Variants in PDE6C observed in about 807,000 individuals in gnomAD.
The protein encoded by PDE6C is cone cGMP-specific 3',5'-cyclic phosphodiesterase subunit alpha'.
Under a neutral mutation model 113.1 loss-of-function variants are expected in PDE6C, and 75 were observed. That is an observed-to-expected ratio of 0.66 (90% CI 0.55 to 0.80). PDE6C has a LOEUF of 0.80. Among genes scored for constraint, PDE6C ranks in the 30% least tolerant of loss-of-function variants. The pLI, the probability that PDE6C is intolerant of heterozygous loss-of-function variation, is 0.00. For synonymous variants in PDE6C, 375 were observed against 363.7 expected, an observed-to-expected ratio of 1.03 and a Z score of -0.35; for missense variants, 912 against 1,038.6, an observed-to-expected ratio of 0.88 and a Z score of 1.67.
At chr10:93,658,767 CTGGCCCTGTAGACTTTGCTA>C (rs1275559086) in intron 16 of PDE6C, 114 bp from the exon 17 acceptor site, 1 of 674,866 alleles carries the variant, frequency 1.5e-6, no homozygotes, top group Non-Finnish European at 2.7e-6. Context: ...CTCGTATTTT[CTGGCCCTGTAGACTTTGCTA>C]TGTGGACATC....
At chr10:93,621,811 G>C (rs1480280917) in intron 3 of PDE6C, 121 bp from the exon 4 acceptor site, 1 of 892,768 alleles carries the variant, frequency 1.1e-6, no homozygotes, top group African/African-American at 1.6e-5. Context: ...AATCAGAATT[G>C]CACTTTCCAA....
intron 15 of PDE6C, among the ~76,000 whole-genome samples, chr10:93,651,722 G>C (rs895688648): frequency 2.6e-5 from 4 of 152,134 alleles, no homozygotes; most frequent in Non-Finnish European, 4.4e-5. Flanking sequence ...CTTCTATTTG[G>C]GATCTGGCCA....
chr10:93,656,931 T>C (rs1402583576), intron 16 of PDE6C, among the ~76,000 whole-genome samples: 1 of 152,110 alleles, frequency 6.6e-6, no homozygotes, highest in Non-Finnish European at 1.5e-5. Context: ...AAAATGGATA[T>C]CCAAATATCT....
intron 8 of PDE6C, among the ~76,000 whole-genome samples, chr10:93,631,491 T>C (rs2058501366): frequency 6.6e-6 from 1 of 152,118 alleles, no homozygotes; most frequent in African/African-American, 2.4e-5. Flanking sequence ...AACAGCACGG[T>C]GGTCTAAGGG....
At chr10:93,653,368 C>T (rs2058618062) in intron 15 of PDE6C, among the ~76,000 whole-genome samples, 1 of 152,122 alleles carries the variant, frequency 6.6e-6, no homozygotes, top group East Asian at 1.9e-4. Flanking sequence ...GGGGTCCAGG[C>T]ACGGTGGCTC....
At chr10:93,644,895 T>G (rs1449785495) in intron 14 of PDE6C, among the ~76,000 whole-genome samples, 1 of 27,438 alleles carries the variant, frequency 3.6e-5, no homozygotes, top group African/African-American at 8.2e-5. Context: ...TTATATAGTA[T>G]ATATAGTATA....
chr10:93,646,941 C>G (rs140484998), intron 15 of PDE6C, among the ~76,000 whole-genome samples: 1 of 152,190 alleles, frequency 6.6e-6, no homozygotes, highest in Non-Finnish European at 1.5e-5. Context: ...GGAGAAACCA[C>G]ATTTGTGTGA....
chr10:93,641,439 G>C (rs1314176084), intron 14 of PDE6C, among the ~76,000 whole-genome samples: 1 of 152,040 alleles, frequency 6.6e-6, no homozygotes, highest in East Asian at 1.9e-4. Flanking sequence ...AGACCAACCT[G>C]GCCAACATGG....
At chr10:93,617,241 C>A (rs949012261) in intron 1 of PDE6C, among the ~76,000 whole-genome samples, 2 of 152,152 alleles carry the variant, frequency 1.3e-5, no homozygotes, top group Non-Finnish European at 2.9e-5. Flanking sequence ...AAAGAAACTT[C>A]GCTAAGGATT....
rs1049266974 is a variant in PDE6C at position 93,665,597 on chromosome 10, A to G, written c.*179A>G. ...CCCAGGGGCAAAATAAAGTTCAACA[A>G]AAGTGCAAAATATGACAAAAATAGG... On this transcript the variant is annotated 3_prime_UTR_variant, in exon 22 of 22. Transcript: ENST00000371447. 1.0e-5 allele frequency: 6 copies of G among 595,676 alleles called. No individual in the cohort carries two copies. Among genetic ancestry groups the G allele is most frequent in the South Asian group, 2.0e-5 (1 of 49,238 alleles). The allele number at this position is 595,676 out of a possible 1,614,324, so 36.9% of individuals were successfully genotyped here. A position where few individuals can be genotyped will look rare whatever the true frequency, so the allele number is the denominator to read the frequency against.
intron 1 of PDE6C, among the ~76,000 whole-genome samples, chr10:93,620,062 A>G (rs1333630003): frequency 6.6e-6 from 1 of 152,174 alleles, no homozygotes; most frequent in Non-Finnish European, 1.5e-5. Flanking sequence ...TAGAAAAAAT[A>G]GAAAACTCTT....
chr10:93,628,879 G>A (rs1238056762), intron 7 of PDE6C, among the ~76,000 whole-genome samples: 1 of 152,082 alleles, frequency 6.6e-6, no homozygotes, highest in Non-Finnish European at 1.5e-5. Flanking sequence ...ACTTTAGGAA[G>A]AAGAAGAAGA....
chr10:93,636,690 C>A (rs1281528533), intron 10 of PDE6C, among the ~76,000 whole-genome samples: 3 of 151,986 alleles, frequency 2.0e-5, no homozygotes, highest in Admixed American at 6.6e-5. Flanking sequence ...AAAAAGTCTT[C>A]ATAATCAGGT....
chr10:93,650,899 TTATCAA>T (rs2058607080), intron 15 of PDE6C, among the ~76,000 whole-genome samples: 1 of 152,216 alleles, frequency 6.6e-6, no homozygotes, highest in Non-Finnish European at 1.5e-5. Context: ...TTTTTTACCA[TTATCAA>T]TATTTATAAA....
At chr10:93,663,600 C>T (rs923650957) in intron 21 of PDE6C, among the ~76,000 whole-genome samples, 3 of 152,120 alleles carry the variant, frequency 2.0e-5, no homozygotes, top group African/African-American at 7.2e-5. Context: ...ATATTCTTCT[C>T]CATGTAATGA....
intron 18 of PDE6C, 125 bp from the exon 19 acceptor site, chr10:93,661,934 C>A: frequency 1.4e-6 from 1 of 736,578 alleles, no homozygotes. Flanking sequence ...AAGTTAAGAG[C>A]ATACGGTTTG....
In PDE6C at chr10:93,625,601, G is replaced by T. The variant is rs1459501579; in HGVS notation, c.891G>T (p.Lys297Asn). 2.2e-5 allele frequency: 35 copies of T among 1,613,740 alleles called. No homozygotes were observed. The highest frequency in any genetic ancestry group is 2.6e-5 in the Non-Finnish European group (31 of 1,179,646). ...AATTCTACGATGAATGGCCAATCAA[G>T]CTTGGAGAAGTAGAGCCTTATAAAG... ...EKEFYDEWPIKLGEVEPYKGP... is the reference protein window; with the variant it reads ...EKEFYDEWPINLGEVEPYKGP... The change falls in exon 5 of 22, where the codon AAG (lysine) becomes AAT (asparagine). Residue 297 changes from lysine (K) to asparagine (N), a missense_variant. By Grantham distance (94) the Lys-to-Asn change is moderately conservative. Transcript: ENST00000371447.
intron 15 of PDE6C, among the ~76,000 whole-genome samples, chr10:93,651,534 G>A (rs1170104249): frequency 5.3e-5 from 8 of 152,132 alleles, no homozygotes; most frequent in South Asian, 2.1e-4. Flanking sequence ...TGAGAACAGC[G>A]TGGGAGAACT....
At chr10:93,639,273 C>G (rs2058548066) in intron 11 of PDE6C, among the ~76,000 whole-genome samples, 1 of 152,210 alleles carries the variant, frequency 6.6e-6, no homozygotes, top group African/African-American at 2.4e-5. Context: ...GCATGGAGCA[C>G]TGGCCATACT....
Sources: allele counts gnomAD v4.1 joint callset (sites outside exome capture counted in the v4.1 genomes callset), GRCh38; gene constraint gnomAD v4.1.1; transcripts MANE v1.5; gene names NCBI Gene and HGNC (gene_info 2026-07-23, HGNC 2026-07-21).